The following ZBTB16 variants were observed in gnomAD, a reference collection of about 807,000 sequenced individuals.
The protein encoded by ZBTB16 is zinc finger and BTB domain containing 16, also known as zinc finger and BTB domain-containing protein 16.
ZBTB16 carries 8 observed loss-of-function variants against 56.8 expected under a neutral mutation model. That is an observed-to-expected ratio of 0.14 (90% CI 0.08 to 0.25). The LOEUF is 0.25. Among genes scored for constraint, ZBTB16 ranks in the 10% least tolerant of loss-of-function variants. The pLI, the probability that ZBTB16 is intolerant of heterozygous loss-of-function variation, is 1.00. For synonymous variants in ZBTB16, 363 were observed against 368.5 expected (o/e 0.98, Z 0.17); for missense variants, 625 against 903.0 (o/e 0.69, Z 3.95).
At chr11:114,170,910 C>G (rs973224287) in intron 3 of ZBTB16, among the ~76,000 whole-genome samples, 10 of 152,258 alleles carry the variant, frequency 6.6e-5, no homozygotes, top group African/African-American at 2.4e-4. Flanking sequence ...GGATAAAGGC[C>G]CAGAGACCAG....
chr11:114,227,511 A>T (rs1944353980), intron 4 of ZBTB16, among the ~76,000 whole-genome samples: 1 of 152,208 alleles, frequency 6.6e-6, no homozygotes, highest in African/African-American at 2.4e-5. Context: ...TTCATTGAAC[A>T]CCTGTCAGAA....
chr11:114,256,011 G>T lies in ZBTB16; in HGVS notation c.*5456G>T, dbSNP rs1241200650. ...GTCCCACCTTTTTATTGAAGTACTT[G>T]GTTTTGTTTTGTTTTTTTTTTTTGT... On this transcript the variant is annotated 3_prime_UTR_variant, in exon 7 of 7. Transcript: ENST00000335953. 8.1e-6 allele frequency among the ~76,000 whole-genome samples: 1 copy of T among 124,004 alleles called. No homozygotes were observed. Among genetic ancestry groups the T allele is most frequent in the East Asian group, 2.7e-4 (1 of 3,770 alleles). The allele number at this position is 124,004 out of a possible 152,430, so 81.4% of individuals were successfully genotyped here.
Position 114,256,023 on chromosome 11 carries a change from TTTTTTTTTTTTG to T in ZBTB16, c.*5477_*5488del, listed in dbSNP as rs1945003778. On this transcript the variant is annotated 3_prime_UTR_variant, in exon 7 of 7. Transcript: ENST00000335953. ...TATTGAAGTACTTGGTTTTGTTTTG[TTTTTTTTTTTTG>T]TTTTTTTTGCCTTTTCTTGTGTGGG... Among the ~76,000 whole-genome samples the T allele has an allele frequency of 8.8e-5, 1 of 11,426 alleles. No individual in the cohort carries two copies. The highest frequency in any genetic ancestry group is 6.5e-3 in the South Asian group (1 of 154). The allele number at this position is 11,426 out of a possible 152,430, so 7.5% of individuals were successfully genotyped here.
Position 114,250,336 on chromosome 11 carries a change from C to T in ZBTB16, c.1803C>T (p.Pro601=), listed in dbSNP as rs1169243700. Residue 601 remains proline (P), a synonymous_variant, in exon 7 of 7, where the codon CCC becomes CCT. Transcript: ENST00000335953. This position sits in a 1 kb window ranked among gnomAD's most constrained non-coding sequence, Gnocchi z 6.0. ...TCCCTCCGCCCTCAGGTGAGAAGCCCTTTGAGTGTAAGCTCTGCCACCAGC... is the reference window on the plus strand; with the variant it reads ...TCCCTCCGCCCTCAGGTGAGAAGCCTTTTGAGTGTAAGCTCTGCCACCAGC... ...THYRVHTGEK[P]FECKLCHQRS... 2 of 1,612,724 alleles carry T rather than the reference C, an allele frequency of 1.2e-6. No homozygotes were observed. Among genetic ancestry groups the T allele is most frequent in the East Asian group, 2.2e-5 (1 of 44,874 alleles).
At chr11:114,185,249 A>G (rs1943335135) in intron 3 of ZBTB16, among the ~76,000 whole-genome samples, 1 of 152,162 alleles carries the variant, frequency 6.6e-6, no homozygotes, top group Admixed American at 6.5e-5. Flanking sequence ...AGACGTGTTG[A>G]AAGGAACAGA....
intron 2 of ZBTB16, among the ~76,000 whole-genome samples, chr11:114,132,745 C>T (rs1218586914): frequency 6.6e-6 from 1 of 152,122 alleles, no homozygotes; most frequent in Non-Finnish European, 1.5e-5. Flanking sequence ...CGGAGCCTCC[C>T]GGCAGGCACT....
At chr11:114,228,178 T>C (rs1405738737) in intron 4 of ZBTB16, among the ~76,000 whole-genome samples, 1 of 152,226 alleles carries the variant, frequency 6.6e-6, no homozygotes, top group African/African-American at 2.4e-5. Flanking sequence ...AATACAAATA[T>C]CAAAATATTT....
At chr11:114,222,332 C>T (rs1022449498) in intron 4 of ZBTB16, among the ~76,000 whole-genome samples, 3 of 152,138 alleles carry the variant, frequency 2.0e-5, no homozygotes, top group African/African-American at 7.2e-5. Context: ...CTCCCCCAAC[C>T]CCCAAAATAT....
At chr11:114,109,438 G>C (rs1940923147) in intron 2 of ZBTB16, among the ~76,000 whole-genome samples, 2 of 152,164 alleles carry the variant, frequency 1.3e-5, no homozygotes, top group Non-Finnish European at 2.9e-5. Flanking sequence ...GCCATGCCCT[G>C]TTGCTCCTTA....
At chr11:114,216,354 C>T (rs1944093915) in intron 4 of ZBTB16, among the ~76,000 whole-genome samples, 1 of 152,200 alleles carries the variant, frequency 6.6e-6, no homozygotes, top group Admixed American at 6.5e-5. Context: ...GCCTTGTGCT[C>T]AGACTGGCTG....
chr11:114,179,103 C>T (rs1226494385), intron 3 of ZBTB16, among the ~76,000 whole-genome samples: 1 of 152,206 alleles, frequency 6.6e-6, no homozygotes, highest in East Asian at 1.9e-4. Flanking sequence ...TCAACCACAG[C>T]TACCCTTGAA....
At chr11:114,167,632 C>T (rs940073942) in intron 3 of ZBTB16, among the ~76,000 whole-genome samples, 15 of 152,170 alleles carry the variant, frequency 9.9e-5, no homozygotes, top group Admixed American at 3.9e-4. Context: ...ATTTGTAGGG[C>T]GTTCCCTTTT....
chr11:114,201,592 A>G (rs1943738334), intron 4 of ZBTB16, among the ~76,000 whole-genome samples: 1 of 152,232 alleles, frequency 6.6e-6, no homozygotes, highest in Admixed American at 6.5e-5. Flanking sequence ...CAAAGCAATG[A>G]GAATGACCTA....
At chr11:114,101,270 G>A (rs1940600494) in intron 2 of ZBTB16, among the ~76,000 whole-genome samples, 1 of 152,126 alleles carries the variant, frequency 6.6e-6, no homozygotes, top group Non-Finnish European at 1.5e-5. Flanking sequence ...CTCTTAAAGT[G>A]CTGGGATTAC....
At chr11:114,245,352 G>A (rs999152068) in intron 5 of ZBTB16, among the ~76,000 whole-genome samples, 9 of 152,186 alleles carry the variant, frequency 5.9e-5, no homozygotes, top group African/African-American at 2.2e-4. Flanking sequence ...GTCAAGGCAC[G>A]ATGCCACTCT....
At chr11:114,129,593 C>T (rs1336094194) in intron 2 of ZBTB16, among the ~76,000 whole-genome samples, 2 of 152,202 alleles carry the variant, frequency 1.3e-5, no homozygotes, top group African/African-American at 4.8e-5. Flanking sequence ...TTTCTTCTTC[C>T]TCCCTCTTCA....
intron 4 of ZBTB16, among the ~76,000 whole-genome samples, chr11:114,235,646 C>CT (rs1255565389): frequency 4.5e-5 from 1 of 22,168 alleles, no homozygotes; most frequent in Non-Finnish European, 1.3e-4. Flanking sequence ...TTCTTTCTTT[C>CT]TTTCTTTCTT....
chr11:114,235,438 C>T (rs751351700), intron 4 of ZBTB16, among the ~76,000 whole-genome samples: 4 of 152,178 alleles, frequency 2.6e-5, no homozygotes, highest in Non-Finnish European at 5.9e-5. Context: ...CCTCTTCCTT[C>T]CCATCTATTA....
intron 2 of ZBTB16, among the ~76,000 whole-genome samples, chr11:114,121,387 T>G (rs1230190379): frequency 2.6e-5 from 4 of 152,136 alleles, no homozygotes; most frequent in Admixed American, 2.0e-4. Context: ...AGAGTGGAAG[T>G]TGAATCCTTG....
Sources: allele counts gnomAD v4.1 joint callset (sites outside exome capture counted in the v4.1 genomes callset), GRCh38; gene constraint gnomAD v4.1.1; non-coding constraint Gnocchi (gnomAD v3.1); transcripts MANE v1.5; gene names NCBI Gene and HGNC (gene_info 2026-07-23, HGNC 2026-07-21).